ATAD2: variants seen among roughly 807,000 people sequenced by gnomAD.
ATAD2 encodes the protein ATPase family AAA domain-containing protein 2.
A neutral mutation model predicts 168.9 loss-of-function variants in ATAD2; 62 were observed. That is an observed-to-expected ratio of 0.37 (90% CI 0.30 to 0.45). ATAD2 has a LOEUF of 0.45. Among genes scored for constraint, ATAD2 ranks in the 20% least tolerant of loss-of-function variants. ATAD2 has a pLI of 1.00. For synonymous variants in ATAD2, 613 were observed against 571.6 expected (o/e 1.07, Z -1.03); for missense variants, 1,419 against 1,667.8 (o/e 0.85, Z 2.60).
At chr8:123,342,857 C>G (rs1828102490) in intron 19 of ATAD2, among the ~76,000 whole-genome samples, 1 of 152,200 alleles carries the variant, frequency 6.6e-6, no homozygotes, top group African/African-American at 2.4e-5. Context: ...TTCCAACCTG[C>G]CAGACACAGA....
rs188264280 is a variant in ATAD2, at chr8:123,386,204, C to A, written c.172-5527G>T. Among the ~76,000 whole-genome samples, 3 of 152,306 alleles carry A rather than the reference C, an allele frequency of 2.0e-5. No individual in the cohort carries two copies. In the East Asian group the frequency reaches 5.8e-4, roughly 29 times the overall value. On this transcript the variant is annotated intron_variant, in intron 1 of 27. Coordinates refer to ENST00000287394, the MANE Select transcript of ATAD2 (RefSeq NM_014109.4). ...ACACTCAAAGAAGCGAATGCAGGGA[C>A]TTGCACAAATATTTGTACTCATGTT...
At chr8:123,385,559 T>C (rs997413715) in intron 1 of ATAD2, among the ~76,000 whole-genome samples, 2 of 152,038 alleles carry the variant, frequency 1.3e-5, no homozygotes, top group Admixed American at 6.6e-5. Flanking sequence ...TAAAAAACAA[T>C]TTAGGAACTC....
At chr8:123,367,720 C>T (rs1236883292) in intron 8 of ATAD2, among the ~76,000 whole-genome samples, 3 of 152,242 alleles carry the variant, frequency 2.0e-5, no homozygotes, top group South Asian at 4.1e-4. Context: ...TTTGTCTTCC[C>T]GATCCTCCAT....
intron 19 of ATAD2, among the ~76,000 whole-genome samples, chr8:123,341,672 G>C (rs568498300): frequency 6.6e-6 from 1 of 152,288 alleles, no homozygotes; most frequent in East Asian, 1.9e-4. Context: ...ACACAGCTAG[G>C]TCAGATTTCC....
chr8:123,334,431 C>A (rs1295608865), intron 22 of ATAD2, 109 bp from the exon 23 acceptor site: 8 of 1,078,994 alleles, frequency 7.4e-6, no homozygotes, highest in Non-Finnish European at 5.0e-6. Flanking sequence ...TTCCTTTTGA[C>A]TTTTACCAAG....
Position 123,382,741 on chromosome 8 carries a change from CAGTT to C in ATAD2, c.172-2068_172-2065del, listed in dbSNP as rs546603578. Among the ~76,000 whole-genome samples, 23 of 152,266 alleles carry C rather than the reference CAGTT, an allele frequency of 1.5e-4. No individual in the cohort carries two copies. In the East Asian group the frequency reaches 2.9e-3, roughly 19 times the overall value. On this transcript the variant is annotated intron_variant, in intron 1 of 27. Transcript: ENST00000287394. ...GTGGAGAAATAGGCACAATTTTACACAGTTAGGAGTGTAAATTAGTTCAACCATT... is the reference window on the plus strand; with the variant it reads ...GTGGAGAAATAGGCACAATTTTACACAGGAGTGTAAATTAGTTCAACCATT...
chr8:123,397,233 T>A (rs1812890368), upstream of ATAD2, among the ~76,000 whole-genome samples: 1 of 99,982 alleles, frequency 1.0e-5, no homozygotes. Context: ...AGAGCAAGAC[T>A]CTGTCTCAAA....
intron 1 of ATAD2, among the ~76,000 whole-genome samples, chr8:123,407,944 G>A (rs1398740004): frequency 6.6e-6 from 1 of 152,156 alleles, no homozygotes; most frequent in Non-Finnish European, 1.5e-5. Context: ...CTACAGAAAC[G>A]AGGCTCAGGT....
At chr8:123,365,072 C>G (rs1408765512) in intron 8 of ATAD2, among the ~76,000 whole-genome samples, 1 of 152,106 alleles carries the variant, frequency 6.6e-6, no homozygotes, top group Non-Finnish European at 1.5e-5. Context: ...AAAAATCCAG[C>G]AAAGTTTCAG....
upstream of ATAD2, among the ~76,000 whole-genome samples, chr8:123,399,714 C>T (rs1047203626): frequency 2.0e-5 from 3 of 151,980 alleles, no homozygotes; most frequent in Non-Finnish European, 4.4e-5. Context: ...ATTAGCTGGG[C>T]ATGGTGGCGG....
In ATAD2 at chr8:123,368,167, C is replaced by T. The variant is rs563607839; in HGVS notation, c.1049+891G>A. On this transcript the variant is annotated intron_variant, in intron 8 of 27. Transcript: ENST00000287394. ...GTGTGGTGGCACACACCTGTAATCCCAGCACTTTGGGAAGCTGAGGCGAGT... is the reference window on the plus strand; with the variant it reads ...GTGTGGTGGCACACACCTGTAATCCTAGCACTTTGGGAAGCTGAGGCGAGT... Among the ~76,000 whole-genome samples, 11 of 152,260 alleles carry T rather than the reference C, an allele frequency of 7.2e-5. No homozygotes were observed. The East Asian group carries it at 1.4e-3, about 19-fold the overall frequency.
chr8:123,413,411 C>T (rs1813191218), intron 1 of ATAD2, among the ~76,000 whole-genome samples: 1 of 152,122 alleles, frequency 6.6e-6, no homozygotes, highest in South Asian at 2.1e-4. Flanking sequence ...TATGTTCTGC[C>T]AGGCACTATG....
At chr8:123,357,010 A>G (rs2131356952) in intron 12 of ATAD2, among the ~76,000 whole-genome samples, 1 of 152,358 alleles carries the variant, frequency 6.6e-6, no homozygotes, top group Non-Finnish European at 1.5e-5. Flanking sequence ...AAAGAATAGA[A>G]GACAGTGACA....
chr8:123,397,575 G>C (rs566396946), upstream of ATAD2, among the ~76,000 whole-genome samples: 3 of 152,250 alleles, frequency 2.0e-5, no homozygotes, highest in East Asian at 5.8e-4. Context: ...CGAAATAAAC[G>C]AAAGCTATTT....
intron 8 of ATAD2, among the ~76,000 whole-genome samples, chr8:123,365,911 A>G (rs1219528651): frequency 6.6e-5 from 10 of 152,224 alleles, no homozygotes; most frequent in Non-Finnish European, 1.2e-4. Flanking sequence ...AAAAGCAAAG[A>G]TAAACAGGTG....
chr8:123,402,870 A>C lies in ATAD2; in HGVS notation c.-2281-1695T>G, dbSNP rs978462144. On this transcript the variant is annotated intron_variant, in intron 1 of 28. Transcript: ENST00000521903. This position sits in a 1 kb window ranked among gnomAD's most constrained non-coding sequence, Gnocchi z 4.8. ...AAATCAACACACTACACACAGCTTC[A>C]GGTGCCTCCTCTAAAGATCCTGATT... 1.3e-5 allele frequency among the ~76,000 whole-genome samples: 2 copies of C among 152,144 alleles called. No homozygotes were observed. The highest frequency in any genetic ancestry group is 4.8e-5 in the African/African-American group (2 of 41,426).
intron 19 of ATAD2, chr8:123,344,643 G>A (rs533657706): frequency 2.6e-4 from 110 of 415,436 alleles, no homozygotes; most frequent in Middle Eastern, 7.8e-4. Flanking sequence ...CACTGCACCC[G>A]GCATATAATA....
chr8:123,369,502 A>G (rs1829076800), intron 7 of ATAD2: 1 of 306,390 alleles, frequency 3.3e-6, no homozygotes, highest in Admixed American at 4.5e-5. Context: ...ACTGTGGTAT[A>G]ATATTAACAT....
In ATAD2 at chr8:123,333,954, A is replaced by G; in HGVS notation, c.3402T>C (p.Val1134=). Reference sequence around the variant, plus strand: ...GCTCTGGGTCTGATCTTTTATCACCAACAAGAGTGGAATTTTGCTTTGGCA... The same window carrying G: ...GCTCTGGGTCTGATCTTTTATCACCGACAAGAGTGGAATTTTGCTTTGGCA... ...HVMPKQNSTL[V]GDKRSDPEQN... is the part of the protein sequence containing the mutation. Residue 1134 remains valine, a synonymous_variant, in exon 24 of 28, where the codon GTT becomes GTC. Transcript: ENST00000287394. The G allele has an allele frequency of 6.2e-7, 1 of 1,614,170 alleles. No homozygotes were observed. Among genetic ancestry groups the G allele is most frequent in the Non-Finnish European group, 8.5e-7 (1 of 1,180,002 alleles).
Sources: gnomAD v4.1 joint callset for allele counts (sites outside exome capture counted in the v4.1 genomes callset) on GRCh38, gnomAD v4.1.1 for gene constraint, Gnocchi (gnomAD v3.1) non-coding constraint, MANE v1.5 for transcripts, NCBI Gene and HGNC (gene_info 2026-07-23, HGNC 2026-07-21) for gene names.